The following POP1 variants were observed in gnomAD, a reference collection of about 807,000 sequenced individuals.
POP1 encodes the protein ribonucleases P/MRP protein subunit POP1.
Under a neutral mutation model 102.2 loss-of-function variants are expected in POP1, and 75 were observed. The ratio of observed to expected loss-of-function variants is 0.73; its 90% CI spans 0.61 to 0.89. The LOEUF is 0.89. Among genes scored for constraint, POP1 ranks in the 40% least tolerant of loss-of-function variants. The probability of loss-of-function intolerance (pLI) is 0.00; values close to 1 mark genes in which losing one functional copy is unlikely to be tolerated. For missense variants in POP1, 1,116 were observed against 1,267.4 expected, an observed-to-expected ratio of 0.88 and a Z score of 1.81; for synonymous variants, 436 against 464.1, an observed-to-expected ratio of 0.94 and a Z score of 0.78.
At position 98,130,220 on chromosome 8, in the gene POP1, C is replaced by T; in HGVS notation, c.729C>T (p.Leu243=). The T allele has an allele frequency of 1.2e-6, 2 of 1,614,136 alleles. No individual in the cohort carries two copies. The highest frequency in any genetic ancestry group is 1.7e-6 in the Non-Finnish European group (2 of 1,180,024). The change falls in exon 5 of 16, where the codon CTC becomes CTT. Residue 243 remains leucine, a synonymous_variant. Coordinates refer to ENST00000401707, the MANE Select transcript of POP1 (RefSeq NM_001145860.2). ...ATCGAGCCATGACGAACCGGTGCCTCCTGCAGGTGAGCTTTTCCAGTGGGC... is the reference window on the plus strand; with the variant it reads ...ATCGAGCCATGACGAACCGGTGCCTTCTGCAGGTGAGCTTTTCCAGTGGGC... ...ACYRAMTNRC[L]LQDLSYYCCL...
intron 1 of POP1, among the ~76,000 whole-genome samples, chr8:98,120,066 G>A (rs1815967762): frequency 6.6e-6 from 1 of 152,160 alleles, no homozygotes; most frequent in Non-Finnish European, 1.5e-5. Flanking sequence ...ATACTGAGGG[G>A]AGCTAGAGTT....
intron 12 of POP1, among the ~76,000 whole-genome samples, chr8:98,147,167 G>A (rs978144419): frequency 6.6e-6 from 1 of 152,232 alleles, no homozygotes; most frequent in Non-Finnish European, 1.5e-5. Flanking sequence ...TGACTTAGAT[G>A]TGGTCAAAGA....
intron 1 of POP1, among the ~76,000 whole-genome samples, chr8:98,122,826 A>T (rs527367737): frequency 3.1e-4 from 47 of 152,246 alleles, no homozygotes; most frequent in Non-Finnish European, 6.3e-4. Flanking sequence ...AAAATAGGGG[A>T]TGTTGAGTTT....
In POP1 at chr8:98,157,914, C is replaced by T. The variant is rs775591008; in HGVS notation, c.2718C>T (p.Ser906=). ...QESKHSDPFR[S]KILKQKEKKK... ...CCAAACACAGTGACCCATTCAGGAG[C>T]AAGATCCTGAAACAGAAAGAGAAGA... is the stretch of plus-strand genomic sequence containing the variant. Residue 906 remains serine, a synonymous_variant, in exon 16 of 16, where the codon AGC becomes AGT. Transcript: ENST00000401707. 4 of 1,614,162 alleles carry T rather than the reference C, an allele frequency of 2.5e-6. No homozygotes were observed. The highest frequency in any genetic ancestry group is 3.4e-6 in the Non-Finnish European group (4 of 1,180,040).
chr8:98,123,200 A>C, intron 1 of POP1, 136 bp from the exon 2 acceptor site: 1 of 979,236 alleles, frequency 1.0e-6, no homozygotes, highest in South Asian at 1.6e-5. Context: ...TGACAGTGCA[A>C]ACTGCAATAT....
chr8:98,156,418 T>C lies in POP1; in HGVS notation c.2420+6T>C. The C allele has an allele frequency of 6.2e-7, 1 of 1,613,454 alleles. No individual in the cohort carries two copies. Among genetic ancestry groups the C allele is most frequent in the Middle Eastern group, 1.8e-4 (1 of 5,596 alleles). On this transcript the variant is annotated splice_donor_region_variant and intron_variant, in intron 15 of 15. Coordinates refer to ENST00000401707, the MANE Select transcript of POP1 (RefSeq NM_001145860.2). The stretch of plus-strand genomic sequence containing the variant: ...AGTCACCTCTGCGTTCTCAGGTAAG[T>C]GTCGGTGACTTCTGGGTACATTTTG...
At chr8:98,123,964 C>T (rs1816115719) in intron 2 of POP1, among the ~76,000 whole-genome samples, 1 of 152,060 alleles carries the variant, frequency 6.6e-6, no homozygotes. Flanking sequence ...TTATTTGTAA[C>T]CCCAATATTA....
chr8:98,123,248 A>G (rs954166161), intron 1 of POP1, 88 bp from the exon 2 acceptor site: 2 of 1,455,378 alleles, frequency 1.4e-6, no homozygotes, highest in East Asian at 5.0e-5. Context: ...CTTATTTTGA[A>G]TCACATGAAT....
intron 13 of POP1, among the ~76,000 whole-genome samples, chr8:98,150,245 A>G (rs977073770): frequency 3.5e-4 from 54 of 152,346 alleles, no homozygotes; most frequent in African/African-American, 1.3e-3. Context: ...CTTACTGTAT[A>G]TATGATTTTG....
At chr8:98,135,946 C>G (rs1019965272) in intron 7 of POP1, among the ~76,000 whole-genome samples, 8 of 152,188 alleles carry the variant, frequency 5.3e-5, no homozygotes, top group African/African-American at 1.9e-4. Context: ...CTGAAGCCAT[C>G]CTCCTGCCTC....
intron 14 of POP1, among the ~76,000 whole-genome samples, chr8:98,154,178 T>C (rs1167439459): frequency 6.6e-6 from 1 of 152,192 alleles, no homozygotes; most frequent in Non-Finnish European, 1.5e-5. Context: ...GGGCACCTAC[T>C]TGAGATTTGT....
At chr8:98,123,775 CAAA>C (rs1274675081) in intron 2 of POP1, among the ~76,000 whole-genome samples, 3 of 123,778 alleles carry the variant, frequency 2.4e-5, no homozygotes, top group Admixed American at 1.7e-4. Context: ...GACTGTGTCT[CAAA>C]AAAAAAAAAA....
rs867341089 is a variant in POP1 at position 98,130,045 on chromosome 8, A to T, written c.554A>T (p.His185Leu). 6.2e-7 allele frequency: 1 copy of T among 1,614,148 alleles called. No homozygotes were observed. The part of the protein sequence containing the change: ...KNKCHKARRC[H>L]MNRTLEFNRR... The stretch of plus-strand genomic sequence containing the variant: ...AAATGCCATAAAGCTCGAAGATGTC[A>T]CATGAACCGGACGCTAGAATTTAAC... The change falls in exon 5 of 16, where the codon CAC becomes CTC. Residue 185 changes from histidine (H) to leucine (L), a missense_variant. His to Leu is a moderately conservative substitution (Grantham distance 99). Transcript: ENST00000401707.
chr8:98,150,641 TAA>T lies in POP1; in HGVS notation c.2057+3_2057+4del, dbSNP rs373436489. On this transcript the variant is annotated splice_donor_region_variant and intron_variant, in intron 14 of 15. Coordinates refer to ENST00000401707, the MANE Select transcript of POP1 (RefSeq NM_001145860.2). ...GAATCTTCTTGAAAAGTACAAAAGGTAAGAAACTGGCTTCTCTAATTTGATAA... is the reference window on the plus strand; with the variant it reads ...GAATCTTCTTGAAAAGTACAAAAGGTGAAACTGGCTTCTCTAATTTGATAA... The T allele has an allele frequency of 7.3e-5, 118 of 1,613,938 alleles. No individual in the cohort carries two copies. The African/African-American group carries it at 1.5e-3, about 20-fold the overall frequency.
chr8:98,136,613 C>G lies in POP1; in HGVS notation c.1143C>G (p.Gly381=), dbSNP rs1313181054. The change falls in exon 8 of 16, where the codon GGC becomes GGG. Residue 381 remains glycine (G), a synonymous_variant. Transcript: ENST00000401707. The part of the protein sequence containing the change: ...SQTELPDEKI[G]KKRKRKDDGE... ...CTGAATTGCCTGACGAGAAAATTGGCAAGAAAAGAAAAAGGAAAGATGATG... is the reference window on the plus strand; with the variant it reads ...CTGAATTGCCTGACGAGAAAATTGGGAAGAAAAGAAAAAGGAAAGATGATG... 6.2e-7 allele frequency: 1 copy of G among 1,613,450 alleles called. No individual in the cohort carries two copies. The highest frequency in any genetic ancestry group is 8.5e-7 in the Non-Finnish European group (1 of 1,179,936).
chr8:98,129,811 C>G (rs1466446133), intron 4 of POP1, among the ~76,000 whole-genome samples, 167 bp from the exon 5 acceptor site: 1 of 152,214 alleles, frequency 6.6e-6, no homozygotes, highest in African/African-American at 2.4e-5. Context: ...TTTCCATTGT[C>G]TTCCTTCTCT....
chr8:98,126,383 C>A (rs1319307317), intron 2 of POP1, among the ~76,000 whole-genome samples: 1 of 152,038 alleles, frequency 6.6e-6, no homozygotes, highest in East Asian at 1.9e-4. Context: ...TGGAAAATTG[C>A]ACATCCGACC....
chr8:98,158,360 A>G lies in POP1; in HGVS notation c.*89A>G. On this transcript the variant is annotated 3_prime_UTR_variant, in exon 16 of 16. Transcript: ENST00000401707. ...GTGGAGAATCTGCTTCTGCTTTAAAATATCATGTGAAACTCCCTGGAAACA... is the reference window on the plus strand; with the variant it reads ...GTGGAGAATCTGCTTCTGCTTTAAAGTATCATGTGAAACTCCCTGGAAACA... The G allele has an allele frequency of 7.0e-7, 1 of 1,433,226 alleles. No individual in the cohort carries two copies. Among genetic ancestry groups the G allele is most frequent in the Non-Finnish European group, 9.7e-7 (1 of 1,031,874 alleles). The allele number at this position is 1,433,226 out of a possible 1,614,324, so 88.8% of individuals were successfully genotyped here.
chr8:98,140,539 TA>T (rs1327221710), intron 10 of POP1, among the ~76,000 whole-genome samples: 1 of 152,242 alleles, frequency 6.6e-6, no homozygotes, highest in Non-Finnish European at 1.5e-5. Context: ...GTTCATTTCA[TA>T]AAAGAACCTT....
Sources: allele counts gnomAD v4.1 joint callset (sites outside exome capture counted in the v4.1 genomes callset), GRCh38; gene constraint gnomAD v4.1.1; transcripts MANE v1.5; gene names NCBI Gene and HGNC (gene_info 2026-07-23, HGNC 2026-07-21).